The following PLCG2 variants were observed in gnomAD, a reference collection of about 807,000 sequenced individuals.
PLCG2 encodes the protein 1-phosphatidylinositol 4,5-bisphosphate phosphodiesterase gamma-2.
A neutral mutation model predicts 175.6 loss-of-function variants in PLCG2; 69 were observed. That is an observed-to-expected ratio of 0.39 (90% CI 0.32 to 0.48). PLCG2 has a LOEUF of 0.48. Among genes scored for constraint, PLCG2 ranks in the 20% least tolerant of loss-of-function variants. The pLI is 0.91. For synonymous variants in PLCG2, 827 were observed against 624.0 expected, an observed-to-expected ratio of 1.33 and a Z score of -4.85; for missense variants, 1,798 against 1,650.9, an observed-to-expected ratio of 1.09 and a Z score of -1.54.
chr16:81,776,087 C>CTTTCTTTCTTTCTTTCTTTCTT (rs1484803060), upstream of PLCG2, among the ~76,000 whole-genome samples: 1 of 66,994 alleles, frequency 1.5e-5, no homozygotes, highest in Non-Finnish European at 3.3e-5. Flanking sequence ...CTCTCTCTCT[C>CTTTCTTTCTTTCTTTCTTTCTT]TCTTTCTTTC....
At chr16:81,802,558 TTTTC>T (rs1911779866) in intron 2 of PLCG2, among the ~76,000 whole-genome samples, 2 of 152,124 alleles carry the variant, frequency 1.3e-5, no homozygotes, top group South Asian at 4.1e-4. Flanking sequence ...TATAGATTTG[TTTTC>T]TTTCTTTTTT....
At chr16:81,876,067 C>T (rs563359542) in intron 7 of PLCG2, among the ~76,000 whole-genome samples, 7 of 141,304 alleles carry the variant, frequency 5.0e-5, no homozygotes, top group South Asian at 2.3e-4. Flanking sequence ...ACTTTGTCAC[C>T]GAGGCTGGGG....
rs373175418 is a variant in PLCG2, at chr16:81,881,467, G to A, written c.692+514G>A. On this transcript the variant is annotated intron_variant, in intron 8 of 32. Coordinates refer to ENST00000564138, the MANE Select transcript of PLCG2 (RefSeq NM_002661.5). ...TGTGCCTCATGATTTCCCAAGTGGG[G>A]AATTTCTGAGATGTTATGTGTTTCC... Among the ~76,000 whole-genome samples, 14 of 152,336 alleles carry A rather than the reference G, an allele frequency of 9.2e-5. No homozygotes were observed. The East Asian group carries it at 1.2e-3, about 13-fold the overall frequency.
At position 81,858,149 on chromosome 16, in the gene PLCG2, C is replaced by T. The variant is rs1035856217; in HGVS notation, c.338-114C>T. 3 of 779,624 alleles carry T rather than the reference C, an allele frequency of 3.8e-6. No individual in the cohort carries two copies. The African/African-American group carries it at 5.1e-5, about 13-fold the overall frequency. The allele number at this position is 779,624 out of a possible 1,614,324, so 48.3% of individuals were successfully genotyped here. A position where few individuals can be genotyped will look rare whatever the true frequency, so the allele number is the denominator to read the frequency against. On this transcript the variant is annotated intron_variant, in intron 3 of 32. Coordinates refer to ENST00000564138, the MANE Select transcript of PLCG2 (RefSeq NM_002661.5). ...GATGCTTTCTTTGCCTTCTGCAAAA[C>T]TAGAAACCAGCATAGGCTTCTCCCA...
chr16:81,851,394 G>T (rs1348440223), intron 2 of PLCG2, among the ~76,000 whole-genome samples: 1 of 152,160 alleles, frequency 6.6e-6, no homozygotes, highest in Non-Finnish European at 1.5e-5. Context: ...TTTTGCATTT[G>T]TTTTGGTGTG....
chr16:81,918,970 G>T (rs530670205), intron 19 of PLCG2, among the ~76,000 whole-genome samples: 2 of 152,002 alleles, frequency 1.3e-5, no homozygotes, highest in African/African-American at 2.4e-5. Context: ...ATTTTGAGGT[G>T]GGGGGGATTG....
At chr16:81,902,916 A>G (rs1314649330) in intron 14 of PLCG2, among the ~76,000 whole-genome samples, 1 of 152,186 alleles carries the variant, frequency 6.6e-6, no homozygotes, top group Non-Finnish European at 1.5e-5. Context: ...ACCAGATCTC[A>G]TGAGATGTGT....
chr16:81,877,236 C>T (rs1248454879), intron 7 of PLCG2, among the ~76,000 whole-genome samples: 4 of 152,180 alleles, frequency 2.6e-5, no homozygotes, highest in East Asian at 1.9e-4. Context: ...GGGCGGATCG[C>T]GAGGTCAGGA....
chr16:81,934,321 C>T, intron 25 of PLCG2, 108 bp from the exon 26 acceptor site: 1 of 680,112 alleles, frequency 1.5e-6, no homozygotes, highest in Non-Finnish European at 2.7e-6. Context: ...TATTAAAGAT[C>T]CGAGTGTGCA....
chr16:81,794,425 C>T (rs1911373698), intron 2 of PLCG2, among the ~76,000 whole-genome samples: 1 of 152,158 alleles, frequency 6.6e-6, no homozygotes, highest in South Asian at 2.1e-4. Context: ...CCCCAAGCCC[C>T]TGCAATGAAG....
chr16:81,743,782 T>C (rs545705515), intron 1 of PLCG2, among the ~76,000 whole-genome samples: 1 of 152,208 alleles, frequency 6.6e-6, no homozygotes, highest in South Asian at 2.1e-4. Context: ...CCCAATGACA[T>C]TGTTGGAGCC....
intron 2 of PLCG2, among the ~76,000 whole-genome samples, chr16:81,769,928 C>T (rs1017153861): frequency 1.3e-5 from 2 of 151,688 alleles, no homozygotes; most frequent in East Asian, 1.9e-4. Flanking sequence ...CTCTGAGCCT[C>T]GGTTTTCTTA....
chr16:81,746,553 G>T (rs1453566201), intron 1 of PLCG2, among the ~76,000 whole-genome samples: 1 of 152,146 alleles, frequency 6.6e-6, no homozygotes, highest in Non-Finnish European at 1.5e-5. Context: ...AACAACTTTT[G>T]GATTTTGAAT....
At chr16:81,866,308 G>A (rs34195031) in intron 5 of PLCG2, among the ~76,000 whole-genome samples, 5 of 132,130 alleles carry the variant, frequency 3.8e-5, no homozygotes, top group South Asian at 5.0e-4. Flanking sequence ...TCCCAGGATG[G>A]GCTCCACTGG....
chr16:81,778,044 A>AAAC (rs1567457783), upstream of PLCG2, among the ~76,000 whole-genome samples: 220 of 83,800 alleles, frequency 2.6e-3, 10 homozygotes, highest in Admixed American at 0.013. Context: ...AAAAAAAAAC[A>AAAC]AAAAAAAAAA....
intron 2 of PLCG2, among the ~76,000 whole-genome samples, chr16:81,817,259 C>T (rs1308698971): frequency 1.3e-5 from 2 of 152,218 alleles, no homozygotes. Context: ...TGGAGAAGGA[C>T]TATGCATCCA....
chr16:81,806,661 A>G (rs942838638), intron 2 of PLCG2, among the ~76,000 whole-genome samples: 3 of 151,952 alleles, frequency 2.0e-5, no homozygotes, highest in African/African-American at 7.3e-5. Context: ...ATTTTTATAT[A>G]TGGAAAGAAA....
At chr16:81,951,490 G>A (rs1218340528) in intron 31 of PLCG2, among the ~76,000 whole-genome samples, 24 of 113,642 alleles carry the variant, frequency 2.1e-4, no homozygotes, top group Non-Finnish European at 4.9e-4. Context: ...TTATAGCTTA[G>A]TTTTGTCTTC....
At chr16:81,811,442 G>A (rs904486102) in intron 2 of PLCG2, among the ~76,000 whole-genome samples, 1 of 152,068 alleles carries the variant, frequency 6.6e-6, no homozygotes, top group African/African-American at 2.4e-5. Context: ...TCCCTAGGCT[G>A]GGAACTGGTT....
Sources: gnomAD v4.1 joint callset for allele counts (sites outside exome capture counted in the v4.1 genomes callset) on GRCh38, gnomAD v4.1.1 for gene constraint, MANE v1.5 for transcripts, NCBI Gene and HGNC (gene_info 2026-07-23, HGNC 2026-07-21) for gene names.